BST1: variants seen among roughly 807,000 people sequenced by gnomAD.
BST1 encodes ADP-ribosyl cyclase/cyclic ADP-ribose hydrolase 2.
BST1 carries 49 observed loss-of-function variants against 40.6 expected under a neutral mutation model. The observed-to-expected ratio is 1.21, with a 90% confidence interval of 0.96 to 1.53. The LOEUF is 1.53. Ranked by LOEUF, BST1 falls within the 40% of genes most tolerant of loss-of-function variation. The pLI, the probability that BST1 is intolerant of heterozygous loss-of-function variation, is 0.00. For missense variants in BST1, 423 were observed against 395.9 expected (o/e 1.07, Z -0.58); for synonymous variants, 157 against 159.3 (o/e 0.99, Z 0.11).
intron 1 of BST1, among the ~76,000 whole-genome samples, chr4:15,703,810 G>A (rs1475363653): frequency 6.9e-6 from 1 of 144,530 alleles, no homozygotes; most frequent in Non-Finnish European, 1.5e-5. Context: ...TAAGGGGTGT[G>A]TGTGTTCCAG....
Position 15,723,038 on chromosome 4 carries a change from G to C in BST1, c.851+104G>C, listed in dbSNP as rs371366179. 6 of 1,062,704 alleles carry C rather than the reference G, an allele frequency of 5.6e-6. No individual in the cohort carries two copies. In the African/African-American group the frequency reaches 9.4e-5, roughly 17 times the overall value. 65.8% of individuals were successfully genotyped at this position (1,062,704 alleles called of 1,614,324 possible). A position where few individuals can be genotyped will look rare whatever the true frequency, so the allele number is the denominator to read the frequency against. On this transcript the variant is annotated intron_variant, in intron 8 of 8. Transcript: ENST00000265016. ...AACATATTATCAGAGGCAGATGTAA[G>C]TGTGCTCATTGGATTCTGGTTTGGC...
downstream of BST1, among the ~76,000 whole-genome samples, chr4:15,740,426 C>G (rs73128028): frequency 0.036 from 5,419 of 152,158 alleles, 290 homozygotes; most frequent in African/African-American, 0.12. Context: ...GGATTGTGCA[C>G]TGGGGGAAAC....
In BST1 at chr4:15,705,645, A is replaced by C; in HGVS notation, c.315+4A>C. On this transcript the variant is annotated splice_donor_region_variant and intron_variant, in intron 2 of 8. Coordinates refer to ENST00000265016, the MANE Select transcript of BST1 (RefSeq NM_004334.3). The stretch of plus-strand genomic sequence containing the variant: ...GCACTCTATTCCCAGAGATAAGGTA[A>C]CACCACAACCATCTTGGGTAAAACT... 6.2e-7 allele frequency: 1 copy of C among 1,614,000 alleles called. No individual in the cohort carries two copies. The highest frequency in any genetic ancestry group is 8.5e-7 in the Non-Finnish European group (1 of 1,179,886).
Position 15,715,768 on chromosome 4 carries a change from T to C in BST1, c.673T>C (p.Trp225Arg). 1 of 1,597,956 alleles carries C rather than the reference T, an allele frequency of 6.3e-7. No homozygotes were observed. Among genetic ancestry groups the C allele is most frequent in the Non-Finnish European group, 8.5e-7 (1 of 1,175,408 alleles). ...GGAAAAAATTACACGAATCGAGATCTGGGTTATGCATGAAATTGGGGGACC... is the reference window on the plus strand; with the variant it reads ...GGAAAAAATTACACGAATCGAGATCCGGGTTATGCATGAAATTGGGGGACC... ...QKEKITRIEI[W>R]VMHEIGGPNV... is the part of the protein sequence containing the mutation. The change falls in exon 6 of 9, where the codon TGG becomes CGG. Residue 225 changes from tryptophan (W) to arginine (R), a missense_variant. Transcript: ENST00000265016.
intron 8 of BST1, among the ~76,000 whole-genome samples, chr4:15,729,021 G>A (rs1352353650): frequency 1.3e-5 from 2 of 152,042 alleles, no homozygotes; most frequent in African/African-American, 4.8e-5. Context: ...ACCAGTATTG[G>A]AATTTGTAAA....
At chr4:15,716,854 C>A (rs1464258615) in intron 6 of BST1, among the ~76,000 whole-genome samples, 1 of 152,178 alleles carries the variant, frequency 6.6e-6, no homozygotes, top group Non-Finnish European at 1.5e-5. Flanking sequence ...CAGCTCACTG[C>A]AACCTCCGCC....
chr4:15,759,883 G>A, the BST1 span, among the ~76,000 whole-genome samples: 33 of 152,080 alleles, frequency 2.2e-4, no homozygotes, highest in Admixed American at 1.4e-3. Flanking sequence ...ATGGAAGGGA[G>A]TTACACCAGA....
At chr4:15,723,442 G>T (rs12642189) in intron 8 of BST1, 26,101 of 475,918 alleles carry the variant, frequency 0.055, 2,022 homozygotes, top group East Asian at 0.26. Flanking sequence ...TAGAGACGGG[G>T]TTTCACCGTG....
At chr4:15,739,212 G>A (rs1386476647), downstream of BST1, among the ~76,000 whole-genome samples, 2 of 152,126 alleles carry the variant, frequency 1.3e-5, no homozygotes, top group Non-Finnish European at 2.9e-5. Flanking sequence ...CAATGAAGCA[G>A]GTTGGAAAAT....
chr4:15,723,571 TTC>T, intron 8 of BST1: 4 of 985,458 alleles, frequency 4.1e-6, no homozygotes, highest in Non-Finnish European at 4.8e-6. Context: ...ATGTAATCCT[TTC>T]TGAGTCATGG....
At chr4:15,704,856 C>T in intron 1 of BST1, 1 of 712,868 alleles carries the variant, frequency 1.4e-6, no homozygotes, top group South Asian at 1.5e-5. Context: ...CTTCTGTGGC[C>T]CCCCTTTTCT....
chr4:15,713,401 G>C (rs983830293), intron 4 of BST1, among the ~76,000 whole-genome samples: 3 of 151,810 alleles, frequency 2.0e-5, no homozygotes, highest in Admixed American at 2.0e-4. Context: ...GGCCAGGATG[G>C]TCTTGAACTC....
chr4:15,737,887 G>A lies in BST1; in HGVS notation c.*113G>A, dbSNP rs547538859. On this transcript the variant is annotated 3_prime_UTR_variant, in exon 7 of 7. Coordinates refer to the BST1 transcript ENST00000514445. The stretch of plus-strand genomic sequence containing the variant: ...AGCAAGGAAGCCGAAATCTCCAGAG[G>A]CTCTGGCAAGAGTTGAGTCAATTGC... The A allele has an allele frequency of 5.3e-6, 6 of 1,137,688 alleles. No homozygotes were observed. The Admixed American group carries it at 6.9e-5, about 13-fold the overall frequency. The allele number at this position is 1,137,688 out of a possible 1,614,324, so 70.5% of individuals were successfully genotyped here.
At chr4:15,766,617 T>C in the BST1 span, among the ~76,000 whole-genome samples, 1 of 151,738 alleles carries the variant, frequency 6.6e-6, no homozygotes, top group Non-Finnish European at 1.5e-5. Context: ...ATCATGCAGC[T>C]GTCTTACATG....
intron 8 of BST1, among the ~76,000 whole-genome samples, chr4:15,725,546 A>G (rs1443309155): frequency 1.3e-5 from 2 of 152,136 alleles, no homozygotes; most frequent in African/African-American, 4.8e-5. Context: ...AAAAACCTTC[A>G]AAGTTACCTA....
downstream of BST1, among the ~76,000 whole-genome samples, chr4:15,733,504 G>C (rs1313649064): frequency 6.6e-6 from 1 of 152,208 alleles, no homozygotes; most frequent in African/African-American, 2.4e-5. Flanking sequence ...CAATCCTTTA[G>C]CTAGACAGAA....
chr4:15,721,692 A>G (rs1012490387), intron 7 of BST1, among the ~76,000 whole-genome samples: 3 of 151,868 alleles, frequency 2.0e-5, no homozygotes, highest in African/African-American at 4.8e-5. Flanking sequence ...GCATTAGGAG[A>G]CATACCTAAT....
At chr4:15,708,297 G>GC (rs897511712) in intron 3 of BST1, among the ~76,000 whole-genome samples, 1 of 152,206 alleles carries the variant, frequency 6.6e-6, no homozygotes, top group Non-Finnish European at 1.5e-5. Context: ...GAGCTGGCCT[G>GC]AATGTTCTGC....
chr4:15,749,028 G>A, the BST1 span, among the ~76,000 whole-genome samples: 1 of 152,156 alleles, frequency 6.6e-6, no homozygotes, highest in Non-Finnish European at 1.5e-5. Flanking sequence ...AGGGCAACTG[G>A]AGCTTAATCC....
Sources: allele counts gnomAD v4.1 joint callset (sites outside exome capture counted in the v4.1 genomes callset), GRCh38; gene constraint gnomAD v4.1.1; transcripts MANE v1.5; gene names NCBI Gene and HGNC (gene_info 2026-07-23, HGNC 2026-07-21).